PLCB4: variants seen among roughly 807,000 people sequenced by gnomAD.
PLCB4 encodes 1-phosphatidylinositol 4,5-bisphosphate phosphodiesterase beta-4.
In PLCB4, 77 loss-of-function variants were observed where a neutral mutation model predicts 178.8. That is an observed-to-expected ratio of 0.43 (90% CI 0.36 to 0.52). PLCB4 has a LOEUF of 0.52. Ranked by LOEUF, PLCB4 falls within the 20% of genes least tolerant of loss-of-function variation. PLCB4 has a pLI of 0.00. For synonymous variants in PLCB4, 496 were observed against 490.8 expected (o/e 1.01, Z -0.14); for missense variants, 1,024 against 1,453.4 (o/e 0.70, Z 4.80).
chr20:9,458,967 G>A (rs1014772292), intron 34 of PLCB4, among the ~76,000 whole-genome samples: 1 of 152,126 alleles, frequency 6.6e-6, no homozygotes, highest in African/African-American at 2.4e-5. Flanking sequence ...CAGACATGTG[G>A]GCTTGTGGAC....
intron 12 of PLCB4, among the ~76,000 whole-genome samples, chr20:9,378,168 T>A (rs1452960941): frequency 1.3e-5 from 2 of 152,200 alleles, no homozygotes; most frequent in Non-Finnish European, 2.9e-5. Context: ...CTCCTGTAGC[T>A]GAATCCCTTT....
In PLCB4 at chr20:9,116,537, T is replaced by G. The variant is rs554092463; in HGVS notation, c.-79+20195T>G. On this transcript the variant is annotated intron_variant, in intron 2 of 39. Transcript: ENST00000378473. ...TAAGACTAGGATGAGGCAAGCAAGG[T>G]GCGCTGGACATAGAATTGGTGCAGA... is the stretch of plus-strand genomic sequence containing the variant. Among the ~76,000 whole-genome samples, 98 of 152,282 alleles carry G rather than the reference T, an allele frequency of 6.4e-4. 1 individual carries two copies. Among genetic ancestry groups the G allele is most frequent in the African/African-American group, 2.3e-3 (95 of 41,570 alleles).
At chr20:9,453,308 T>C in intron 32 of PLCB4, 39 bp from the exon 33 acceptor site, 1 of 1,189,076 alleles carries the variant, frequency 8.4e-7, no homozygotes, top group East Asian at 2.3e-5. Context: ...TGAGCCATGC[T>C]AAGAGTCCAA....
intron 39 of PLCB4, 112 bp from the exon 40 acceptor site, chr20:9,478,809 T>G: frequency 1.3e-6 from 1 of 771,176 alleles, no homozygotes; most frequent in Admixed American, 2.0e-5. Flanking sequence ...ATATTTTGAG[T>G]AGCAAGGATG....
intron 13 of PLCB4, among the ~76,000 whole-genome samples, chr20:9,383,807 T>A (rs1012734825): frequency 6.6e-6 from 1 of 152,166 alleles, no homozygotes; most frequent in African/African-American, 2.4e-5. Flanking sequence ...ATCTTGGAAG[T>A]CAGATAGGTC....
intron 3 of PLCB4, among the ~76,000 whole-genome samples, chr20:9,258,672 G>A (rs1004758763): frequency 5.1e-4 from 68 of 134,600 alleles, no homozygotes; most frequent in South Asian, 1.1e-3. Context: ...CCAAGATCCC[G>A]CCAATGCACT....
intron 2 of PLCB4, among the ~76,000 whole-genome samples, chr20:9,180,415 C>A (rs1403257330): frequency 1.3e-5 from 2 of 152,104 alleles, no homozygotes. Context: ...GCTGGTGCTA[C>A]GATCTGAATT....
At chr20:9,183,356 C>T (rs1194731827) in intron 2 of PLCB4, among the ~76,000 whole-genome samples, 1 of 152,122 alleles carries the variant, frequency 6.6e-6, no homozygotes, top group Non-Finnish European at 1.5e-5. Context: ...GTGATGAGGG[C>T]TGGTGAGGCT....
At chr20:9,183,203 T>C (rs762488721) in intron 2 of PLCB4, among the ~76,000 whole-genome samples, 1 of 152,092 alleles carries the variant, frequency 6.6e-6, no homozygotes, top group Non-Finnish European at 1.5e-5. Flanking sequence ...ACCTATCTCG[T>C]GAAAATGTGC....
chr20:9,368,755 G>A (rs936805101), intron 9 of PLCB4, among the ~76,000 whole-genome samples: 4 of 152,144 alleles, frequency 2.6e-5, no homozygotes, highest in Non-Finnish European at 4.4e-5. Context: ...TTCTAGGATC[G>A]TTGCTGTTTT....
At chr20:9,205,599 G>A (rs776549033) in intron 2 of PLCB4, among the ~76,000 whole-genome samples, 14 of 152,160 alleles carry the variant, frequency 9.2e-5, no homozygotes, top group Non-Finnish European at 1.3e-4. Flanking sequence ...TGCAACTGAC[G>A]TTGATGTAAT....
intron 3 of PLCB4, among the ~76,000 whole-genome samples, chr20:9,274,518 G>A (rs2094434890): frequency 6.6e-6 from 1 of 152,032 alleles, no homozygotes; most frequent in East Asian, 1.9e-4. Flanking sequence ...TATTTTATTT[G>A]CACATGTAAA....
intron 2 of PLCB4, among the ~76,000 whole-genome samples, chr20:9,167,379 C>T (rs2092990435): frequency 6.6e-6 from 1 of 152,022 alleles, no homozygotes; most frequent in African/African-American, 2.4e-5. Flanking sequence ...AAAGCTAATT[C>T]ATTTTTCTTT....
intron 3 of PLCB4, among the ~76,000 whole-genome samples, chr20:9,300,992 T>C (rs2094695719): frequency 2.0e-5 from 3 of 151,876 alleles, no homozygotes; most frequent in African/African-American, 7.3e-5. Context: ...GAAGAACCCA[T>C]TCCTGGCCTA....
At chr20:9,371,346 T>C (rs780760151) in intron 10 of PLCB4, 51 bp downstream of exon 10, 38 of 953,730 alleles carry the variant, frequency 4.0e-5, no homozygotes, top group Middle Eastern at 2.1e-4. Flanking sequence ...TTTATTTATC[T>C]TCTCATATGT....
intron 3 of PLCB4, among the ~76,000 whole-genome samples, chr20:9,286,959 G>A (rs1210959748): frequency 6.6e-6 from 1 of 151,996 alleles, no homozygotes; most frequent in Non-Finnish European, 1.5e-5. Context: ...GTGAGTCAAA[G>A]AATACCATAT....
At chr20:9,395,497 A>T (rs776843089) in intron 18 of PLCB4, 26 bp from the exon 19 acceptor site, 1 of 1,532,612 alleles carries the variant, frequency 6.5e-7, no homozygotes, top group South Asian at 1.1e-5. Context: ...ATCTGTCACC[A>T]TCTCTTTGCG....
intron 5 of PLCB4, 70 bp downstream of exon 5, chr20:9,337,276 G>A (rs2032593771): frequency 1.9e-6 from 2 of 1,045,274 alleles, no homozygotes; most frequent in Admixed American, 1.7e-5. Context: ...TCAACAAGTA[G>A]ACTGAGTGCT....
intron 8 of PLCB4, among the ~76,000 whole-genome samples, chr20:9,365,066 C>G (rs2035658493): frequency 6.6e-6 from 1 of 152,150 alleles, no homozygotes; most frequent in African/African-American, 2.4e-5. Context: ...AGACCAATCA[C>G]AAATAAGTAC....
Sources: allele counts gnomAD v4.1 joint callset (sites outside exome capture counted in the v4.1 genomes callset), GRCh38; gene constraint gnomAD v4.1.1; transcripts MANE v1.5; gene names NCBI Gene and HGNC (gene_info 2026-07-23, HGNC 2026-07-21).